ANTXR1: variants seen among roughly 807,000 people sequenced by gnomAD.
ANTXR1 encodes the protein anthrax toxin receptor 1.
ANTXR1 carries 19 observed loss-of-function variants against 78.1 expected under a neutral mutation model. That is an observed-to-expected ratio of 0.24 (90% confidence interval 0.17 to 0.36). The LOEUF is 0.36. Among genes scored for constraint, ANTXR1 ranks in the 10% least tolerant of loss-of-function variants. The pLI, the probability that ANTXR1 is intolerant of heterozygous loss-of-function variation, is 1.00. For missense variants in ANTXR1, 518 were observed against 718.6 expected (o/e 0.72, Z 3.19); for synonymous variants, 273 against 260.5 (o/e 1.05, Z -0.46).
At chr2:69,136,418 C>T (rs542906130) in intron 12 of ANTXR1, among the ~76,000 whole-genome samples, 186 of 152,256 alleles carry the variant, frequency 1.2e-3, no homozygotes, top group Non-Finnish European at 2.3e-3. Flanking sequence ...ATAAAAATGA[C>T]ATATAGATCA....
intron 16 of ANTXR1, among the ~76,000 whole-genome samples, chr2:69,192,643 C>T (rs536000738): frequency 1.3e-5 from 2 of 152,262 alleles, no homozygotes; most frequent in South Asian, 2.1e-4. Flanking sequence ...CACAGGTTCC[C>T]GGGAATACAA....
intron 12 of ANTXR1, among the ~76,000 whole-genome samples, chr2:69,126,795 C>T (rs1672555273): frequency 6.6e-6 from 1 of 152,202 alleles, no homozygotes; most frequent in Non-Finnish European, 1.5e-5. Flanking sequence ...CCCACTACAC[C>T]TTCCCAACCC....
At chr2:69,213,924 C>T (rs1309686603) in intron 17 of ANTXR1, among the ~76,000 whole-genome samples, 1 of 152,268 alleles carries the variant, frequency 6.6e-6, no homozygotes, top group Non-Finnish European at 1.5e-5. Context: ...TGTGGGGGCA[C>T]TAAGCATAAT....
intron 1 of ANTXR1, among the ~76,000 whole-genome samples, chr2:69,022,673 C>T (rs967643700): frequency 2.6e-5 from 4 of 152,206 alleles, no homozygotes; most frequent in African/African-American, 9.7e-5. Context: ...GGAAAAGCTT[C>T]CCAGGTGATT....
intron 3 of ANTXR1, among the ~76,000 whole-genome samples, chr2:69,054,964 A>T (rs1191916627): frequency 6.6e-6 from 1 of 152,188 alleles, no homozygotes; most frequent in Admixed American, 6.5e-5. Context: ...GTCTGAGTCC[A>T]TAGGCAAGTG....
chr2:69,230,503 C>T (rs1472857724), intron 17 of ANTXR1, among the ~76,000 whole-genome samples: 2 of 152,012 alleles, frequency 1.3e-5, no homozygotes, highest in African/African-American at 4.8e-5. Context: ...ATTTTGATGG[C>T]ACGGCTACTT....
At chr2:69,221,584 T>A (rs1185447731) in intron 17 of ANTXR1, among the ~76,000 whole-genome samples, 1 of 151,584 alleles carries the variant, frequency 6.6e-6, no homozygotes, top group Non-Finnish European at 1.5e-5. Flanking sequence ...CTGGAGTCAC[T>A]GGATGGTGAA....
chr2:69,092,035 A>G (rs1671258108), intron 9 of ANTXR1, among the ~76,000 whole-genome samples: 2 of 152,178 alleles, frequency 1.3e-5, no homozygotes, highest in African/African-American at 4.8e-5. Context: ...AGGAAGGAAA[A>G]ACTGTGTGTG....
chr2:69,102,733 G>T, intron 9 of ANTXR1, 109 bp from the exon 10 acceptor site: 3 of 1,213,482 alleles, frequency 2.5e-6, no homozygotes, highest in Non-Finnish European at 3.6e-6. Context: ...ATTAATTTTT[G>T]AATATTTTAA....
intron 14 of ANTXR1, among the ~76,000 whole-genome samples, chr2:69,180,982 G>A: frequency 1.3e-5 from 2 of 152,210 alleles, no homozygotes; most frequent in East Asian, 3.8e-4. Flanking sequence ...TTTGCCCAGA[G>A]TATTTGAGAG....
At chr2:69,210,285 C>G (rs1675008039) in intron 17 of ANTXR1, among the ~76,000 whole-genome samples, 1 of 152,230 alleles carries the variant, frequency 6.6e-6, no homozygotes, top group Non-Finnish European at 1.5e-5. Context: ...GACAGATTGT[C>G]ATTATTTATC....
At chr2:69,200,769 T>G (rs1002170658) in intron 17 of ANTXR1, among the ~76,000 whole-genome samples, 3 of 152,146 alleles carry the variant, frequency 2.0e-5, no homozygotes, top group Non-Finnish European at 4.4e-5. Context: ...TATGTATGTA[T>G]GGTGTGCAAG....
At chr2:69,122,013 T>A (rs1199358990) in intron 10 of ANTXR1, among the ~76,000 whole-genome samples, 1 of 152,230 alleles carries the variant, frequency 6.6e-6, no homozygotes, top group East Asian at 1.9e-4. Flanking sequence ...ACATCTGCTA[T>A]GACCTCCAAA....
At chr2:69,072,775 C>T (rs1036250745) in intron 5 of ANTXR1, among the ~76,000 whole-genome samples, 1 of 152,120 alleles carries the variant, frequency 6.6e-6, no homozygotes, top group East Asian at 1.9e-4. Context: ...ACCATTTCAT[C>T]AGGTTTGGCC....
chr2:69,114,271 T>C (rs1310471695), intron 10 of ANTXR1, among the ~76,000 whole-genome samples: 1 of 152,236 alleles, frequency 6.6e-6, no homozygotes. Context: ...ACTTTGTGAT[T>C]AATACAAATA....
chr2:69,116,748 G>A (rs1295932357), intron 10 of ANTXR1, among the ~76,000 whole-genome samples: 1 of 152,132 alleles, frequency 6.6e-6, no homozygotes, highest in Non-Finnish European at 1.5e-5. Flanking sequence ...GCCTCCATAA[G>A]ACTAGGGATT....
At chr2:69,124,479 C>A in intron 11 of ANTXR1, 86 bp from the exon 12 acceptor site, 2 of 1,168,988 alleles carry the variant, frequency 1.7e-6, no homozygotes, top group Non-Finnish European at 2.6e-6. Flanking sequence ...AAGAGCAGAG[C>A]CCAAAGGAGT....
chr2:69,230,113 G>GT (rs1156694869), intron 17 of ANTXR1, among the ~76,000 whole-genome samples: 2 of 151,384 alleles, frequency 1.3e-5, no homozygotes, highest in African/African-American at 4.8e-5. Flanking sequence ...TCCCTGTTTA[G>GT]TGACAGCACT....
chr2:69,039,672 C>T (rs4608564), intron 1 of ANTXR1, among the ~76,000 whole-genome samples: 52,099 of 151,988 alleles, frequency 0.34, 14,204 homozygotes, highest in African/African-American at 0.72. Context: ...TGGATTAGAA[C>T]AGTTTTTCTT....
Sources: gnomAD v4.1 joint callset for allele counts (sites outside exome capture counted in the v4.1 genomes callset) on GRCh38, gnomAD v4.1.1 for gene constraint, MANE v1.5 for transcripts, NCBI Gene and HGNC (gene_info 2026-07-23, HGNC 2026-07-21) for gene names.